The following GALNT5 variants were observed in gnomAD, a reference collection of about 807,000 sequenced individuals.
The protein encoded by GALNT5 is polypeptide N-acetylgalactosaminyltransferase 5.
A neutral mutation model predicts 85.4 loss-of-function variants in GALNT5; 72 were observed. That is an observed-to-expected ratio of 0.84 (90% CI 0.70 to 1.03). The LOEUF is 1.03. GALNT5 is among the 50% of genes least tolerant of loss of function. GALNT5 has a pLI of 0.00. For synonymous variants in GALNT5, 404 were observed against 397.0 expected (o/e 1.02, Z -0.21); for missense variants, 1,137 against 1,135.5 (o/e 1.00, Z -0.02).
chr2:157,311,244 T>C lies in GALNT5; in HGVS notation c.2719T>C (p.Leu907=). The C allele has an allele frequency of 6.2e-7, 1 of 1,610,998 alleles. No homozygotes were observed. Among genetic ancestry groups the C allele is most frequent in the Non-Finnish European group, 8.5e-7 (1 of 1,177,586 alleles). The part of the protein sequence containing the change: ...HIVFENNQQL[L]CLEGNFSQKI... ...TGTTTTTGAAAACAATCAGCAATTA[T>C]TATGCTTGGAAGGAAATTTTTCTCA... The change falls in exon 10 of 10, where the codon TTA becomes CTA. Residue 907 remains leucine, a synonymous_variant. Transcript: ENST00000259056.
rs878875460 is a variant in GALNT5 at position 157,259,197 on chromosome 2, C to A, written c.1115C>A (p.Ala372Asp). The A allele has an allele frequency of 6.4e-7, 1 of 1,564,524 alleles. No individual in the cohort carries two copies. Among genetic ancestry groups the A allele is most frequent in the Non-Finnish European group, 8.6e-7 (1 of 1,160,880 alleles). Residue 372 changes from alanine (A) to aspartate (D), a missense_variant, in exon 1 of 10, where the codon GCT (alanine) becomes GAT (aspartate). Coordinates refer to ENST00000259056, the MANE Select transcript of GALNT5 (RefSeq NM_014568.3). ...AGTGAGATGTCTTCCTCTTCACTTG[C>A]TCCACATAGAGTGCCACTGTCCCAA... is the stretch of plus-strand genomic sequence containing the variant. ...NRSEMSSSSL[A>D]PHRVPLSQTN...
intron 1 of GALNT5, among the ~76,000 whole-genome samples, chr2:157,279,955 G>A (rs1245776443): frequency 6.6e-6 from 1 of 152,116 alleles, no homozygotes; most frequent in East Asian, 1.9e-4. Context: ...TCTTGGAACA[G>A]ACCTCAATTT....
chr2:157,299,665 G>T lies in GALNT5; in HGVS notation c.2115G>T (p.Lys705Asn). The change falls in exon 6 of 10, where the codon AAG becomes AAT. Residue 705 changes from lysine (K) to asparagine (N), a missense_variant and splice_region_variant. Transcript: ENST00000259056. ...WGGENMELSF[K>N]VWMCGGEIEI... ...GGGAAAATATGGAGCTCTCATTCAA[G>T]GTATTACCAGGTGTTTCCCAACTTT... 1.3e-6 allele frequency: 2 copies of T among 1,482,578 alleles called. No homozygotes were observed. The highest frequency in any genetic ancestry group is 1.9e-6 in the Non-Finnish European group (2 of 1,067,484). 91.8% of individuals were successfully genotyped at this position (1,482,578 alleles called of 1,614,324 possible). A position where few individuals can be genotyped will look rare whatever the true frequency, so the allele number is the denominator to read the frequency against.
intron 7 of GALNT5, 152 bp downstream of exon 7, chr2:157,301,151 G>A: frequency 3.1e-6 from 2 of 638,528 alleles, no homozygotes; most frequent in Non-Finnish European, 5.4e-6. Flanking sequence ...ATTAAATATA[G>A]GTAAACTTGA....
At chr2:157,306,564 G>A (rs980524305) in intron 8 of GALNT5, among the ~76,000 whole-genome samples, 1 of 152,194 alleles carries the variant, frequency 6.6e-6, no homozygotes, top group Non-Finnish European at 1.5e-5. Context: ...TGTGTTTGTG[G>A]AAACAGTTAT....
intron 1 of GALNT5, among the ~76,000 whole-genome samples, chr2:157,278,851 T>C (rs1471853196): frequency 1.3e-5 from 2 of 152,220 alleles, no homozygotes; most frequent in African/African-American, 4.8e-5. Flanking sequence ...CCAGCTTTGT[T>C]CCATCGCTGG....
intron 3 of GALNT5, among the ~76,000 whole-genome samples, chr2:157,292,704 G>GTAT (rs1181310856): frequency 1.3e-5 from 2 of 151,444 alleles, no homozygotes; most frequent in Admixed American, 1.3e-4. Flanking sequence ...AGTAGAAATC[G>GTAT]TATTATTATT....
Position 157,259,080 on chromosome 2 carries a change from C to G in GALNT5, c.998C>G (p.Ala333Gly), listed in dbSNP as rs140865095. The change falls in exon 1 of 10, where the codon GCA (alanine) becomes GGA (glycine). Residue 333 changes from alanine to glycine, a missense_variant. By Grantham distance (60) the Ala-to-Gly change is moderately conservative. Coordinates refer to ENST00000259056, the MANE Select transcript of GALNT5 (RefSeq NM_014568.3). Reference sequence around the variant, plus strand: ...ATAACCAAAGAGGAAGAGCAAAAGGCAGACCCCAAAGAGGTCTCTAATTCT... The same window carrying G: ...ATAACCAAAGAGGAAGAGCAAAAGGGAGACCCCAAAGAGGTCTCTAATTCT... ...VIITKEEEQK[A>G]DPKEVSNSKT... The G allele has an allele frequency of 6.8e-7, 1 of 1,480,858 alleles. No homozygotes were observed. Among genetic ancestry groups the G allele is most frequent in the Non-Finnish European group, 9.0e-7 (1 of 1,114,542 alleles). The allele number at this position is 1,480,858 out of a possible 1,614,324, so 91.7% of individuals were successfully genotyped here.
At chr2:157,265,588 G>A (rs1043327635) in intron 1 of GALNT5, among the ~76,000 whole-genome samples, 1 of 152,122 alleles carries the variant, frequency 6.6e-6, no homozygotes, top group African/African-American at 2.4e-5. Flanking sequence ...TTTCATATAC[G>A]GAACACAAGG....
intron 1 of GALNT5, among the ~76,000 whole-genome samples, chr2:157,283,801 T>C (rs1682906810): frequency 6.6e-6 from 1 of 152,216 alleles, no homozygotes; most frequent in East Asian, 1.9e-4. Flanking sequence ...AGGCTTTGTA[T>C]GTACATTATC....
chr2:157,306,884 A>G (rs1395702922), intron 8 of GALNT5, among the ~76,000 whole-genome samples: 2 of 152,238 alleles, frequency 1.3e-5, no homozygotes, highest in Non-Finnish European at 2.9e-5. Context: ...AGGGAAGTGA[A>G]GAAGTGTTAA....
chr2:157,279,198 C>T (rs1034516583), intron 1 of GALNT5, among the ~76,000 whole-genome samples: 6 of 152,146 alleles, frequency 3.9e-5, no homozygotes, highest in South Asian at 2.1e-4. Context: ...CCTGAAGCTT[C>T]GTCCCAGAGG....
At chr2:157,310,024 A>G (rs1301296133) in intron 9 of GALNT5, among the ~76,000 whole-genome samples, 1 of 152,146 alleles carries the variant, frequency 6.6e-6, no homozygotes, top group Non-Finnish European at 1.5e-5. Context: ...AGAGTGAGAG[A>G]GAGAGAATAT....
intron 6 of GALNT5, among the ~76,000 whole-genome samples, chr2:157,300,343 C>A (rs990070004): frequency 1.3e-5 from 2 of 152,104 alleles, no homozygotes; most frequent in Non-Finnish European, 2.9e-5. Flanking sequence ...GGAACGTGAA[C>A]AAATGGACAT....
rs1422384883 is a variant in GALNT5 at position 157,317,196 on chromosome 2, A to ATG, written c.*5849_*5850insGT. On this transcript the variant is annotated 3_prime_UTR_variant, in exon 10 of 10. Coordinates refer to ENST00000259056, the MANE Select transcript of GALNT5 (RefSeq NM_014568.3). ...TGTGTATATATATATATATATATATATATTTTTTTTTTTGATGCTTTGATC... is the reference window on the plus strand; with the variant it reads ...TGTGTATATATATATATATATATATATGTATTTTTTTTTTTGATGCTTTGATC... 2.3e-5 allele frequency among the ~76,000 whole-genome samples: 3 copies of ATG among 132,568 alleles called. No homozygotes were observed. Among genetic ancestry groups the ATG allele is most frequent in the African/African-American group, 6.5e-5 (2 of 30,936 alleles). 87.0% of individuals were successfully genotyped at this position (132,568 alleles called of 152,430 possible). A position where few individuals can be genotyped will look rare whatever the true frequency, so the allele number is the denominator to read the frequency against.
chr2:157,297,011 G>A (rs966152110), intron 5 of GALNT5, among the ~76,000 whole-genome samples: 3 of 152,116 alleles, frequency 2.0e-5, no homozygotes, highest in African/African-American at 7.2e-5. Flanking sequence ...TCAAGTTTGG[G>A]CTTTTATTTC....
intron 6 of GALNT5, among the ~76,000 whole-genome samples, chr2:157,300,024 C>T (rs1683304984): frequency 6.6e-6 from 1 of 152,184 alleles, no homozygotes; most frequent in Non-Finnish European, 1.5e-5. Flanking sequence ...TGTAATGGAT[C>T]ATCTTAGAGA....
At chr2:157,267,593 G>A (rs759754340) in intron 1 of GALNT5, among the ~76,000 whole-genome samples, 21 of 152,160 alleles carry the variant, frequency 1.4e-4, no homozygotes, top group Non-Finnish European at 7.3e-5. Flanking sequence ...TACTATTTCT[G>A]CCACATCACA....
chr2:157,286,567 C>T (rs1343195534), intron 3 of GALNT5, among the ~76,000 whole-genome samples: 1 of 152,020 alleles, frequency 6.6e-6, no homozygotes, highest in Non-Finnish European at 1.5e-5. Flanking sequence ...GCACTGGTGC[C>T]ATCTCAGCTC....
Sources: gnomAD v4.1 joint callset for allele counts (sites outside exome capture counted in the v4.1 genomes callset) on GRCh38, gnomAD v4.1.1 for gene constraint, MANE v1.5 for transcripts, NCBI Gene and HGNC (gene_info 2026-07-23, HGNC 2026-07-21) for gene names.